BNC2: variants seen among roughly 807,000 people sequenced by gnomAD.
BNC2 encodes the protein zinc finger protein basonuclin-2.
BNC2 carries 20 observed loss-of-function variants against 76.3 expected under a neutral mutation model. The ratio of observed to expected loss-of-function variants is 0.26; its 90% CI spans 0.18 to 0.38. BNC2 has a LOEUF of 0.38. BNC2 is among the 10% of genes least tolerant of loss of function. The pLI, the probability that BNC2 is intolerant of heterozygous loss-of-function variation, is 1.00. For missense variants in BNC2, 1,382 were observed against 1,399.8 expected (o/e 0.99, Z 0.20); for synonymous variants, 582 against 514.8 (o/e 1.13, Z -1.77).
intron 6 of BNC2, among the ~76,000 whole-genome samples, chr9:16,429,101 T>G (rs1359557159): frequency 6.6e-6 from 1 of 152,206 alleles, no homozygotes; most frequent in Non-Finnish European, 1.5e-5. Context: ...ATTCATTTAT[T>G]TGAAGCTTGT....
chr9:16,463,922 C>G (rs957124970), intron 5 of BNC2, among the ~76,000 whole-genome samples: 1 of 151,684 alleles, frequency 6.6e-6, no homozygotes, highest in African/African-American at 2.4e-5. Flanking sequence ...ATGGCGAAAC[C>G]TTGTCTCTAC....
chr9:16,639,618 G>A (rs550860126), intron 3 of BNC2, among the ~76,000 whole-genome samples: 67 of 146,236 alleles, frequency 4.6e-4, no homozygotes, highest in Admixed American at 1.4e-3. Context: ...GAAAACACAG[G>A]AAAAAAAAAA....
chr9:16,758,901 T>C (rs1825471940), intron 1 of BNC2, among the ~76,000 whole-genome samples: 1 of 96,358 alleles, frequency 1.0e-5, no homozygotes, highest in Non-Finnish European at 2.4e-5. Context: ...GATGTAAAAT[T>C]AAATCAACCT....
At chr9:16,570,883 A>G (rs946018419) in intron 4 of BNC2, among the ~76,000 whole-genome samples, 2 of 152,170 alleles carry the variant, frequency 1.3e-5, no homozygotes, top group Non-Finnish European at 2.9e-5. Flanking sequence ...GTGACATCTG[A>G]AATAATGTGA....
chr9:16,530,346 C>T (rs1587137432), intron 5 of BNC2, among the ~76,000 whole-genome samples: 1 of 152,064 alleles, frequency 6.6e-6, no homozygotes, highest in Non-Finnish European at 1.5e-5. Context: ...AACAACTTCA[C>T]CTTATTAACA....
At chr9:16,430,471 G>A (rs1389939988) in intron 6 of BNC2, among the ~76,000 whole-genome samples, 1 of 152,196 alleles carries the variant, frequency 6.6e-6, no homozygotes, top group East Asian at 1.9e-4. Flanking sequence ...TGTATTTACT[G>A]AAAAGCCCTC....
chr9:16,485,769 A>G (rs1325924450), intron 5 of BNC2, among the ~76,000 whole-genome samples: 1 of 152,124 alleles, frequency 6.6e-6, no homozygotes, highest in Non-Finnish European at 1.5e-5. Context: ...TTACCACACC[A>G]CTGCACTCTA....
At chr9:16,614,647 C>T (rs1820643780) in intron 3 of BNC2, among the ~76,000 whole-genome samples, 1 of 50,532 alleles carries the variant, frequency 2.0e-5, no homozygotes, top group African/African-American at 4.1e-5. Context: ...GAGCTACATG[C>T]ATGAAGTTAA....
At position 16,663,233 on chromosome 9, in the gene BNC2, C is replaced by T. The variant is rs538627225; in HGVS notation, c.330+64564G>A. On this transcript the variant is annotated intron_variant, in intron 3 of 6. Coordinates refer to ENST00000380672, the MANE Select transcript of BNC2 (RefSeq NM_017637.6). ...CAACCTCCACCTCCCGGGTTCAAGC[C>T]ATTCTCCTGCCTCAGCCGCCCGAGT... 3.3e-3 allele frequency among the ~76,000 whole-genome samples: 497 copies of T among 151,300 alleles called. 4 individuals are homozygous for T. The highest frequency in any genetic ancestry group is 0.012 in the African/African-American group (474 of 41,214).
At chr9:16,626,121 T>C (rs1244034179) in intron 3 of BNC2, 2 of 152,132 alleles carry the variant, frequency 1.3e-5, no homozygotes, top group Admixed American at 1.3e-4. Flanking sequence ...AGCACAGACA[T>C]GTGTACTGAA....
chr9:16,563,533 T>C (rs976664221), intron 4 of BNC2, among the ~76,000 whole-genome samples: 2 of 152,238 alleles, frequency 1.3e-5, no homozygotes, highest in Admixed American at 1.3e-4. Flanking sequence ...GAAATGACTA[T>C]AACAATATCT....
intron 3 of BNC2, among the ~76,000 whole-genome samples, chr9:16,677,378 G>T (rs1348996268): frequency 6.6e-6 from 1 of 152,176 alleles, no homozygotes; most frequent in East Asian, 1.9e-4. Context: ...TTCGAGACCA[G>T]CCCAGCCAAC....
intron 3 of BNC2, among the ~76,000 whole-genome samples, chr9:16,663,242 G>C (rs1412135752): frequency 2.0e-5 from 3 of 150,062 alleles, no homozygotes; most frequent in Non-Finnish European, 4.4e-5. Context: ...CCATTCTCCT[G>C]CCTCAGCCGC....
chr9:16,496,242 A>T (rs940141404), intron 5 of BNC2, among the ~76,000 whole-genome samples: 1 of 152,092 alleles, frequency 6.6e-6, no homozygotes, highest in African/African-American at 2.4e-5. Flanking sequence ...AAAAAAACAA[A>T]ACAAAACAAA....
intron 5 of BNC2, among the ~76,000 whole-genome samples, chr9:16,440,677 A>C (rs896472006): frequency 7.9e-5 from 12 of 152,146 alleles, no homozygotes; most frequent in African/African-American, 2.9e-4. Flanking sequence ...TACAGTACAG[A>C]GCAGTCCCAT....
chr9:16,812,139 A>T (rs1353995720), intron 1 of BNC2, among the ~76,000 whole-genome samples: 1 of 152,190 alleles, frequency 6.6e-6, no homozygotes, highest in African/African-American at 2.4e-5. Context: ...CTGGCTACAG[A>T]ACTAAGACTG....
At chr9:16,834,517 A>T (rs756279681) in intron 1 of BNC2, among the ~76,000 whole-genome samples, 1 of 152,208 alleles carries the variant, frequency 6.6e-6, no homozygotes, top group African/African-American at 2.4e-5. Flanking sequence ...AGCTAAATCC[A>T]CTACCTTCTC....
intron 3 of BNC2, among the ~76,000 whole-genome samples, chr9:16,705,389 G>A (rs893589171): frequency 1.3e-5 from 2 of 152,090 alleles, no homozygotes; most frequent in Non-Finnish European, 2.9e-5. Flanking sequence ...AGCACAGAGG[G>A]GCCACCTCTG....
chr9:16,831,113 C>G (rs190900824), intron 1 of BNC2, among the ~76,000 whole-genome samples: 3 of 152,210 alleles, frequency 2.0e-5, no homozygotes, highest in African/African-American at 7.2e-5. Context: ...TATATAAAAT[C>G]TGTTGGCAAC....
Sources: gnomAD v4.1 joint callset for allele counts (sites outside exome capture counted in the v4.1 genomes callset) on GRCh38, gnomAD v4.1.1 for gene constraint, MANE v1.5 for transcripts, NCBI Gene and HGNC (gene_info 2026-07-23, HGNC 2026-07-21) for gene names.